VSTM4: variants seen among roughly 807,000 people sequenced by gnomAD.
VSTM4 encodes the protein V-set and transmembrane domain-containing protein 4.
A neutral mutation model predicts 36.4 loss-of-function variants in VSTM4; 20 were observed. That is an observed-to-expected ratio of 0.55 (90% CI 0.39 to 0.80). The LOEUF (loss-of-function observed/expected upper bound fraction) is 0.80, where lower values mean the gene tolerates loss of function less well. VSTM4 is among the 30% of genes least tolerant of loss of function. The pLI, the probability that VSTM4 is intolerant of heterozygous loss-of-function variation, is 0.00. For missense variants in VSTM4, 392 were observed against 404.5 expected, an observed-to-expected ratio of 0.97 and a Z score of 0.26; for synonymous variants, 182 against 173.9, an observed-to-expected ratio of 1.05 and a Z score of -0.37.
intron 7 of VSTM4, among the ~76,000 whole-genome samples, chr10:49,027,957 G>A (rs2131936971): frequency 6.6e-6 from 1 of 152,334 alleles, no homozygotes; most frequent in South Asian, 2.1e-4. Flanking sequence ...GAGTGGGTTT[G>A]CTAGGCCACA....
At chr10:49,052,888 A>G (rs1358700518) in intron 5 of VSTM4, among the ~76,000 whole-genome samples, 1 of 152,190 alleles carries the variant, frequency 6.6e-6, no homozygotes, top group Non-Finnish European at 1.5e-5. Flanking sequence ...CACTAAATTT[A>G]ATTTTAATTC....
At chr10:49,085,854 C>A in intron 3 of VSTM4, 101 bp downstream of exon 3, 1 of 681,610 alleles carries the variant, frequency 1.5e-6, no homozygotes, top group Non-Finnish European at 2.4e-6. Context: ...CAAACCTGCA[C>A]GTTGTGCACA....
chr10:49,054,240 G>A (rs574431701), intron 5 of VSTM4, among the ~76,000 whole-genome samples: 1 of 152,338 alleles, frequency 6.6e-6, no homozygotes, highest in African/African-American at 2.4e-5. Context: ...AAGGTCAATA[G>A]AGCCAGAGCC....
intron 7 of VSTM4, among the ~76,000 whole-genome samples, chr10:49,035,967 G>T (rs1358688919): frequency 6.6e-6 from 1 of 152,224 alleles, no homozygotes; most frequent in Non-Finnish European, 1.5e-5. Flanking sequence ...CCTGGTTCTT[G>T]CTAGGCAAGT....
At chr10:49,096,888 C>T (rs1269240790) in intron 2 of VSTM4, among the ~76,000 whole-genome samples, 1 of 152,014 alleles carries the variant, frequency 6.6e-6, no homozygotes, top group Admixed American at 6.6e-5. Context: ...CTCCTGACCT[C>T]GTGATCCACC....
At chr10:49,087,766 T>C (rs1844393948) in intron 2 of VSTM4, among the ~76,000 whole-genome samples, 1 of 152,000 alleles carries the variant, frequency 6.6e-6, no homozygotes, top group Non-Finnish European at 1.5e-5. Flanking sequence ...TAAGTATGAG[T>C]GAGTTTCTTA....
intron 5 of VSTM4, among the ~76,000 whole-genome samples, chr10:49,055,361 T>C (rs1440649936): frequency 6.6e-6 from 1 of 152,164 alleles, no homozygotes; most frequent in Admixed American, 6.5e-5. Context: ...GATCCATCCG[T>C]TTCTTTCCAA....
intron 2 of VSTM4, among the ~76,000 whole-genome samples, chr10:49,095,612 G>C (rs1429940318): frequency 1.3e-5 from 2 of 152,090 alleles, no homozygotes; most frequent in Admixed American, 1.3e-4. Flanking sequence ...CACAGCCCAG[G>C]GCTGTCTGCT....
In VSTM4 at chr10:49,015,218, T is replaced by A. The variant is rs1445382807; in HGVS notation, c.*4432A>T. 6.7e-6 allele frequency: 1 copy of A among 149,766 alleles called. No individual in the cohort carries two copies. Among genetic ancestry groups the A allele is most frequent in the Non-Finnish European group, 1.5e-5 (1 of 67,744 alleles). The allele number at this position is 149,766 out of a possible 1,614,324, so 9.3% of individuals were successfully genotyped here. ...CTCACTGCAAGCTCCGCCTCCCGGG[T>A]TCATGCCATTCTCCTGCCTCAGCCT... On this transcript the variant is annotated 3_prime_UTR_variant, in exon 8 of 8. Transcript: ENST00000332853.
intron 7 of VSTM4, among the ~76,000 whole-genome samples, chr10:49,032,291 G>C (rs1013163224): frequency 1.3e-5 from 2 of 152,220 alleles, no homozygotes; most frequent in Non-Finnish European, 2.9e-5. Context: ...CTAGTGAGCA[G>C]CATGGCTGGT....
At chr10:49,077,163 C>T (rs1297131449) in intron 4 of VSTM4, 56 bp downstream of exon 4, 2 of 1,557,616 alleles carry the variant, frequency 1.3e-6, no homozygotes, top group African/African-American at 1.4e-5. Flanking sequence ...CATCTTCCGC[C>T]CGTCTGTGGT....
intron 3 of VSTM4, among the ~76,000 whole-genome samples, chr10:49,080,498 T>C (rs929858032): frequency 2.0e-5 from 3 of 152,258 alleles, no homozygotes; most frequent in South Asian, 4.1e-4. Context: ...TGAATAGATT[T>C]CTGCTCTTGG....
At chr10:49,077,182 G>A (rs916310793) in intron 4 of VSTM4, 37 bp downstream of exon 4, 1 of 1,600,060 alleles carries the variant, frequency 6.2e-7, no homozygotes, top group Non-Finnish European at 8.6e-7. Flanking sequence ...GTCGGGGTGT[G>A]CTCCCATCCC....
At chr10:49,097,449 G>GT (rs1237466519) in intron 2 of VSTM4, among the ~76,000 whole-genome samples, 1 of 146,972 alleles carries the variant, frequency 6.8e-6, no homozygotes, top group Non-Finnish European at 1.5e-5. Context: ...GCAAAGGAAG[G>GT]TAAAAAAAAA....
At chr10:49,071,249 G>GC (rs2131985380) in intron 4 of VSTM4, among the ~76,000 whole-genome samples, 1 of 152,364 alleles carries the variant, frequency 6.6e-6, no homozygotes, top group African/African-American at 2.4e-5. Flanking sequence ...TAAAAGCTCA[G>GC]ACACAGAAGG....
intron 1 of VSTM4, among the ~76,000 whole-genome samples, chr10:49,115,225 G>T (rs923213354): frequency 6.6e-6 from 1 of 151,918 alleles, no homozygotes; most frequent in Non-Finnish European, 1.5e-5. Flanking sequence ...CTCACGGGAG[G>T]CGTCCTCTGA....
At chr10:49,083,899 CTAA>C (rs1844324544) in intron 3 of VSTM4, among the ~76,000 whole-genome samples, 1 of 152,188 alleles carries the variant, frequency 6.6e-6, no homozygotes, top group Non-Finnish European at 1.5e-5. Context: ...TGATCCCTTC[CTAA>C]TGTTATAACC....
intron 6 of VSTM4, among the ~76,000 whole-genome samples, chr10:49,047,615 G>A (rs776272574): frequency 2.0e-5 from 3 of 152,142 alleles, no homozygotes; most frequent in Non-Finnish European, 2.9e-5. Context: ...TGGAATGAAC[G>A]ACATCGAGCA....
At chr10:49,035,822 C>T (rs914915845) in intron 7 of VSTM4, among the ~76,000 whole-genome samples, 2 of 151,988 alleles carry the variant, frequency 1.3e-5, no homozygotes, top group African/African-American at 4.8e-5. Flanking sequence ...GGCAATAGAG[C>T]AAGACTCTAT....
Sources: allele counts gnomAD v4.1 joint callset (sites outside exome capture counted in the v4.1 genomes callset), GRCh38; gene constraint gnomAD v4.1.1; transcripts MANE v1.5; gene names NCBI Gene and HGNC (gene_info 2026-07-23, HGNC 2026-07-21).